Variants in KIF17 observed in about 807,000 individuals in gnomAD.
KIF17 encodes the protein kinesin-like protein KIF17.
Under a neutral mutation model 96.8 loss-of-function variants are expected in KIF17, and 80 were observed. That is an observed-to-expected ratio of 0.83 (90% CI 0.69 to 1.00). KIF17 has a LOEUF of 1.00. Ranked by LOEUF, KIF17 falls within the 50% of genes least tolerant of loss-of-function variation. The pLI is 0.00. For missense variants in KIF17, 1,280 were observed against 1,372.9 expected, an observed-to-expected ratio of 0.93 and a Z score of 1.07; for synonymous variants, 567 against 587.5, an observed-to-expected ratio of 0.97 and a Z score of 0.51.
Position 20,669,595 on chromosome 1 carries a change from C to T in KIF17, c.2790+826G>A, listed in dbSNP as rs1341404383. 2.9e-4 allele frequency among the ~76,000 whole-genome samples: 41 copies of T among 142,044 alleles called. 1 individual carries two copies. Among genetic ancestry groups the T allele is most frequent in the Admixed American group, 6.3e-4 (9 of 14,354 alleles). 93.2% of individuals were successfully genotyped at this position (142,044 alleles called of 152,430 possible). ...AAATAAAATAAAATAAAATAGAGGCCGGGCGTGGTGGCTCATGCCTGAAAT... is the reference window on the plus strand; with the variant it reads ...AAATAAAATAAAATAAAATAGAGGCTGGGCGTGGTGGCTCATGCCTGAAAT... On this transcript the variant is annotated intron_variant, in intron 13 of 14. Coordinates refer to ENST00000400463, the MANE Select transcript of KIF17 (RefSeq NM_001122819.3).
At chr1:20,691,557 G>A (rs1473357155) in intron 6 of KIF17, among the ~76,000 whole-genome samples, 2 of 150,766 alleles carry the variant, frequency 1.3e-5, no homozygotes, top group African/African-American at 4.9e-5. Flanking sequence ...AGGTTCAAGC[G>A]ATTCTCCTGC....
Position 20,684,176 on chromosome 1 carries a change from G to A in KIF17, c.2231+633C>T, listed in dbSNP as rs2053887348. ...ACTGCTAGAGAACAGGACCCTCTTG[G>A]CCCTGCCTGTCCTCCGCCCTGGCCT... On this transcript the variant is annotated intron_variant, in intron 10 of 14. Transcript: ENST00000400463. 2.0e-5 allele frequency among the ~76,000 whole-genome samples: 3 copies of A among 152,248 alleles called. No homozygotes were observed. The South Asian group carries it at 6.2e-4, about 31-fold the overall frequency.
downstream of KIF17, among the ~76,000 whole-genome samples, chr1:20,663,605 G>T (rs371147172): frequency 6.6e-5 from 10 of 152,190 alleles, no homozygotes; most frequent in East Asian, 1.9e-4. Flanking sequence ...CCCCCCACAG[G>T]ACTGGCCTGG....
At chr1:20,701,537 T>C (rs641409) in intron 5 of KIF17, among the ~76,000 whole-genome samples, 3,796 of 152,186 alleles carry the variant, frequency 0.025, 171 homozygotes, top group African/African-American at 0.086. Flanking sequence ...CGAAGCCACC[T>C]GAGCAGCGAG....
chr1:20,711,196 C>T (rs991452735), intron 3 of KIF17, among the ~76,000 whole-genome samples: 3 of 152,132 alleles, frequency 2.0e-5, no homozygotes, highest in East Asian at 1.9e-4. Context: ...AACGGTTCTG[C>T]GGGTACTCAG....
chr1:20,685,479 C>T lies in KIF17; in HGVS notation c.2020-459G>A, dbSNP rs1231072432. Among the ~76,000 whole-genome samples the T allele has an allele frequency of 6.6e-6, 1 of 151,980 alleles. No individual in the cohort carries two copies. The highest frequency in any genetic ancestry group is 1.9e-4 in the East Asian group (1 of 5,164). ...CCATAGGACCTTGGCACTTGCTATC[C>T]CCTCTGCTTGCTGCTTCCCCCCGTC... On this transcript the variant is annotated intron_variant, in intron 9 of 14. Coordinates refer to ENST00000400463, the MANE Select transcript of KIF17 (RefSeq NM_001122819.3). The surrounding 1 kb of genome is among the most constrained non-coding windows in gnomAD (Gnocchi z 4.1).
intron 6 of KIF17, among the ~76,000 whole-genome samples, chr1:20,695,389 T>C (rs2054118980): frequency 6.6e-6 from 1 of 152,206 alleles, no homozygotes; most frequent in Admixed American, 6.5e-5. Context: ...GGTTTCGCCA[T>C]GTTGGCCAGG....
chr1:20,684,753 G>A (rs957071474), intron 10 of KIF17, 56 bp downstream of exon 10: 2 of 1,509,496 alleles, frequency 1.3e-6, no homozygotes, highest in Non-Finnish European at 1.8e-6. Flanking sequence ...ATCCTGGAAG[G>A]CAGCCCCTTC....
intron 7 of KIF17, among the ~76,000 whole-genome samples, chr1:20,689,869 G>A (rs1386250536): frequency 6.6e-6 from 1 of 152,110 alleles, no homozygotes; most frequent in African/African-American, 2.4e-5. Context: ...CTTGAGCTGG[G>A]GCCCAGTCCA....
intron 4 of KIF17, among the ~76,000 whole-genome samples, chr1:20,707,200 T>C (rs1385376444): frequency 1.3e-5 from 2 of 152,136 alleles, no homozygotes; most frequent in South Asian, 2.1e-4. Flanking sequence ...CAGGACTCCA[T>C]TGCAGGGAAC....
downstream of KIF17, among the ~76,000 whole-genome samples, chr1:20,663,637 G>C: frequency 6.6e-6 from 1 of 152,272 alleles, no homozygotes; most frequent in South Asian, 2.1e-4. Context: ...CAAGGGGAAG[G>C]CTGTGTCCTA....
rs182467273 is a variant in KIF17 at position 20,668,768 on chromosome 1, A to G, written c.2790+1653T>C. Among the ~76,000 whole-genome samples the G allele has an allele frequency of 9.2e-5, 14 of 152,324 alleles. No homozygotes were observed. In the East Asian group the frequency reaches 2.7e-3, roughly 29 times the overall value. On this transcript the variant is annotated intron_variant, in intron 13 of 14. Transcript: ENST00000400463. ...AGGCTATTTTTGTAAATAAAGTTTT[A>G]TTGGAACACCATTCATTTGTGTATT...
intron 5 of KIF17, among the ~76,000 whole-genome samples, chr1:20,702,098 C>A (rs371908211): frequency 1.3e-5 from 2 of 152,202 alleles, no homozygotes; most frequent in Non-Finnish European, 2.9e-5. Flanking sequence ...GCTGAGCCCA[C>A]ACATGCATGA....
intron 13 of KIF17, among the ~76,000 whole-genome samples, chr1:20,667,575 C>T (rs925311053): frequency 9.2e-5 from 14 of 152,238 alleles, no homozygotes; most frequent in Admixed American, 7.9e-4. Flanking sequence ...AAACTGGTCC[C>T]TGGTGCCAAA....
intron 11 of KIF17, among the ~76,000 whole-genome samples, chr1:20,680,943 G>T (rs1298245289): frequency 6.6e-6 from 1 of 151,720 alleles, no homozygotes; most frequent in East Asian, 2.0e-4. Context: ...CTAATACAGT[G>T]AAACCCCGTC....
At chr1:20,663,180 C>CCCG (rs1352325591), downstream of KIF17, among the ~76,000 whole-genome samples, 1 of 152,090 alleles carries the variant, frequency 6.6e-6, no homozygotes, top group African/African-American at 2.4e-5. Context: ...GCTGAGATTG[C>CCCG]CCGCTGCTGC....
At chr1:20,678,145 T>C (rs1165583161) in intron 11 of KIF17, among the ~76,000 whole-genome samples, 1 of 152,156 alleles carries the variant, frequency 6.6e-6, no homozygotes, top group African/African-American at 2.4e-5. Context: ...GAAAGGCACA[T>C]CTTACATGGT....
Position 20,698,481 on chromosome 1 carries a change from C to A in KIF17, c.1131G>T (p.Leu377=), listed in dbSNP as rs769620482. 10 of 1,611,870 alleles carry A rather than the reference C, an allele frequency of 6.2e-6. No individual in the cohort carries two copies. In the African/African-American group the frequency reaches 1.2e-4, roughly 19 times the overall value. Residue 377 remains leucine, a synonymous_variant, in exon 6 of 15, where the codon CTG becomes CTT. Transcript: ENST00000400463. ...QMSPSSLSAL[L]SRQVPPDPVQ... Reference sequence around the variant, plus strand: ...CAGGGTCTGGGGGCACCTGCCTGGACAGCAGGGCTGGGGGAGAAACAGAAA... The same window carrying A: ...CAGGGTCTGGGGGCACCTGCCTGGAAAGCAGGGCTGGGGGAGAAACAGAAA...
chr1:20,716,894 G>A (rs990850568), intron 1 of KIF17, among the ~76,000 whole-genome samples: 26 of 152,170 alleles, frequency 1.7e-4, no homozygotes, highest in African/African-American at 6.3e-4. Flanking sequence ...GTGTGGGCTT[G>A]GGGTGGATCC....
Sources: allele counts gnomAD v4.1 joint callset (sites outside exome capture counted in the v4.1 genomes callset), GRCh38; gene constraint gnomAD v4.1.1; non-coding constraint Gnocchi (gnomAD v3.1); transcripts MANE v1.5; gene names NCBI Gene and HGNC (gene_info 2026-07-23, HGNC 2026-07-21).